IFT56: variants seen among roughly 807,000 people sequenced by gnomAD.
IFT56 encodes intraflagellar transport 56.
chr7:139,134,894 T>C, the IFT56 span: 1 of 1,192,426 alleles, frequency 8.4e-7, no homozygotes, highest in Non-Finnish European at 1.2e-6. Flanking sequence ...GGTGGGTGCA[T>C]TCTGGGGCTT....
the IFT56 span, among the ~76,000 whole-genome samples, chr7:139,135,051 C>T: frequency 6.6e-5 from 10 of 152,154 alleles, no homozygotes; most frequent in African/African-American, 2.4e-4. Flanking sequence ...GAGGCCGAGA[C>T]GGGCAGATCA....
the IFT56 span, chr7:139,165,017 G>T: frequency 1.5e-6 from 1 of 664,468 alleles, no homozygotes; most frequent in South Asian, 2.6e-5. Context: ...CTGATTCCCA[G>T]AGCTATTTTA....
At chr7:139,172,633 C>T in the IFT56 span, 187 of 602,288 alleles carry the variant, frequency 3.1e-4, 1 homozygote, top group Middle Eastern at 3.9e-3. Flanking sequence ...GATCAAAGTG[C>T]TTCAACAAAG....
At chr7:139,141,365 G>A in the IFT56 span, among the ~76,000 whole-genome samples, 1 of 152,032 alleles carries the variant, frequency 6.6e-6, no homozygotes, top group South Asian at 2.1e-4. Flanking sequence ...CTGGGTTCAA[G>A]CCATCCTCCA....
the IFT56 span, chr7:139,179,781 A>C: frequency 1.5e-6 from 1 of 680,494 alleles, no homozygotes; most frequent in South Asian, 1.9e-5. Flanking sequence ...CACTGAAATT[A>C]AGCGTTGTTA....
At chr7:139,153,204 A>G in the IFT56 span, among the ~76,000 whole-genome samples, 3 of 151,796 alleles carry the variant, frequency 2.0e-5, no homozygotes, top group Non-Finnish European at 2.9e-5. Context: ...TGTAATCCCA[A>G]CATTTTAGAA....
the IFT56 span, among the ~76,000 whole-genome samples, chr7:139,185,877 C>T: frequency 2.0e-5 from 3 of 151,720 alleles, no homozygotes; most frequent in Non-Finnish European, 2.9e-5. Context: ...AAAAAATCTT[C>T]GCGTGAGATT....
the IFT56 span, among the ~76,000 whole-genome samples, chr7:139,145,510 T>C: frequency 0.037 from 5,661 of 152,000 alleles, 260 homozygotes; most frequent in African/African-American, 0.1. Context: ...CTGTAACCTC[T>C]GCCTCCCAGG....
At chr7:139,152,424 A>G in the IFT56 span, among the ~76,000 whole-genome samples, 1 of 152,238 alleles carries the variant, frequency 6.6e-6, no homozygotes, top group Non-Finnish European at 1.5e-5. Flanking sequence ...ACTGTGCCCA[A>G]TCACTTCTGA....
At chr7:139,168,435 G>A in the IFT56 span, 1 of 1,513,510 alleles carries the variant, frequency 6.6e-7, no homozygotes, top group Non-Finnish European at 9.2e-7. Context: ...AGGTTGCAAA[G>A]TTATAAGTGT....
At chr7:139,181,480 T>A in the IFT56 span, among the ~76,000 whole-genome samples, 2 of 152,228 alleles carry the variant, frequency 1.3e-5, no homozygotes, top group Non-Finnish European at 2.9e-5. Context: ...ATTCATCTGG[T>A]AGTTGGAAAT....
At chr7:139,151,488 G>T in the IFT56 span, among the ~76,000 whole-genome samples, 3 of 152,172 alleles carry the variant, frequency 2.0e-5, no homozygotes, top group African/African-American at 7.2e-5. Flanking sequence ...TTTGGGCTTG[G>T]AATCAGATAG....
chr7:139,188,357 T>A, the IFT56 span, among the ~76,000 whole-genome samples: 1 of 152,184 alleles, frequency 6.6e-6, no homozygotes, highest in Non-Finnish European at 1.5e-5. Context: ...CACCTCAGCC[T>A]CCCAAAGTTC....
chr7:139,189,499 G>A, the IFT56 span: 2 of 1,116,768 alleles, frequency 1.8e-6, no homozygotes, highest in South Asian at 1.3e-5. Flanking sequence ...TTTCACTCCA[G>A]TTTAATCTGT....
the IFT56 span, chr7:139,147,075 C>T: frequency 6.3e-7 from 1 of 1,596,032 alleles, no homozygotes; most frequent in Non-Finnish European, 8.5e-7. Context: ...ATCTCTATCA[C>T]ATAGATATTG....
At chr7:139,190,903 A>G in the IFT56 span, 1 of 152,328 alleles carries the variant, frequency 6.6e-6, no homozygotes, top group African/African-American at 2.4e-5. Flanking sequence ...AAGAGAACTG[A>G]AAGAAAGAAT....
chr7:139,135,316 C>T, the IFT56 span, among the ~76,000 whole-genome samples: 3 of 145,282 alleles, frequency 2.1e-5, no homozygotes, highest in African/African-American at 7.7e-5. Context: ...AAACTTATTT[C>T]TTGAGGGCCA....
chr7:139,187,332 G>A, the IFT56 span: 16 of 1,554,748 alleles, frequency 1.0e-5, no homozygotes, highest in Non-Finnish European at 1.3e-5. Context: ...CCCGTTTCAT[G>A]TTATCTTTAT....
chr7:139,169,738 T>C, the IFT56 span, among the ~76,000 whole-genome samples: 1 of 152,208 alleles, frequency 6.6e-6, no homozygotes. Flanking sequence ...CAGCCAGGCA[T>C]GCTGGCTTAG....
Sources: gnomAD v4.1 joint callset for allele counts (sites outside exome capture counted in the v4.1 genomes callset) on GRCh38, gnomAD v4.1.1 for gene constraint, MANE v1.5 for transcripts, NCBI Gene and HGNC (gene_info 2026-07-23, HGNC 2026-07-21) for gene names.